The following B3GALT5 variants were observed in gnomAD, a reference collection of about 807,000 sequenced individuals.
The protein encoded by B3GALT5 is UDP-Gal:betaGlcNAc beta 1,3-galactosyltransferase, polypeptide 5.
For missense variants in B3GALT5, 328 were observed against 396.6 expected (o/e 0.83, Z 1.47); for synonymous variants, 156 against 158.6 (o/e 0.98, Z 0.12).
At chr21:39,613,132 G>A (rs1233142315) in intron 1 of B3GALT5, 65 bp downstream of exon 1, 1 of 149,250 alleles carries the variant, frequency 6.7e-6, no homozygotes, top group Non-Finnish European at 1.5e-5. Flanking sequence ...GCCGGGTCCT[G>A]CGGCGCGCGG....
chr21:39,632,492 G>A (rs2079198621), intron 1 of B3GALT5, among the ~76,000 whole-genome samples: 1 of 152,234 alleles, frequency 6.6e-6, no homozygotes, highest in Non-Finnish European at 1.5e-5. Context: ...GGCTGACAAG[G>A]AGACGCCACG....
chr21:39,660,806 G>T lies in B3GALT5; in HGVS notation c.247G>T (p.Glu83Ter). The T allele has an allele frequency of 6.3e-7, 1 of 1,589,894 alleles. No homozygotes were observed. Among genetic ancestry groups the T allele is most frequent in the Non-Finnish European group, 8.6e-7 (1 of 1,167,972 alleles). Residue 83 changes from glutamate (E) to a stop codon, truncating the protein, a stop_gained, in exon 4 of 4, where the codon GAG becomes TAG. Transcript: ENST00000684187. LOFTEE classifies it low-confidence loss of function (END_TRUNC). ...RMAIRQTWGK[E>*]RMVKGKQLKT... ...GGCCATCCGGCAGACGTGGGGGAAA[G>T]AGAGGATGGTGAAGGGAAAGCAGCT...
intron 1 of B3GALT5, among the ~76,000 whole-genome samples, chr21:39,627,043 T>G (rs750176963): frequency 3.9e-5 from 6 of 152,200 alleles, no homozygotes; most frequent in Non-Finnish European, 7.3e-5. Context: ...CTGTTGGTAC[T>G]GTGGAGGGGG....
At chr21:39,619,493 G>A (rs765212780) in intron 1 of B3GALT5, among the ~76,000 whole-genome samples, 9 of 152,044 alleles carry the variant, frequency 5.9e-5, no homozygotes, top group Admixed American at 2.0e-4. Context: ...TAAATCACAA[G>A]TATCTTATTG....
rs938878042 is a variant in B3GALT5 at position 39,672,233 on chromosome 21, G to C, written c.*10741G>C. On this transcript the variant is annotated 3_prime_UTR_variant, in exon 4 of 4. Transcript: ENST00000684187. ...CTGTTGGCTCAGGGGTCCAGTCCCT[G>C]GGTCCCCGAAGAGGTAAGCCAAAGA... The C allele has an allele frequency of 1.2e-4, 18 of 152,234 alleles. No individual in the cohort carries two copies. Among genetic ancestry groups the C allele is most frequent in the African/African-American group, 3.9e-4 (16 of 41,454 alleles). 9.4% of individuals were successfully genotyped at this position (152,234 alleles called of 1,614,324 possible).
At chr21:39,639,302 C>CTTTCTT (rs2079256455) in intron 1 of B3GALT5, among the ~76,000 whole-genome samples, 2 of 76,730 alleles carry the variant, frequency 2.6e-5, no homozygotes, top group African/African-American at 5.4e-5. Flanking sequence ...TTCTTTCTTT[C>CTTTCTT]TTTCTTTCTT....
At chr21:39,634,989 CTT>C (rs1259535536) in intron 1 of B3GALT5, among the ~76,000 whole-genome samples, 1 of 152,158 alleles carries the variant, frequency 6.6e-6, no homozygotes, top group Non-Finnish European at 1.5e-5. Context: ...AAATCACCCA[CTT>C]TTTACAAGAA....
intron 1 of B3GALT5, among the ~76,000 whole-genome samples, chr21:39,622,751 A>G (rs1382363006): frequency 2.0e-5 from 3 of 151,734 alleles, no homozygotes; most frequent in Admixed American, 6.6e-5. Context: ...TTATCTCATT[A>G]TGTGTTTTCT....
At chr21:39,625,785 T>A (rs2079160554) in intron 1 of B3GALT5, among the ~76,000 whole-genome samples, 1 of 152,204 alleles carries the variant, frequency 6.6e-6, no homozygotes, top group Non-Finnish European at 1.5e-5. Flanking sequence ...GAACTCCACG[T>A]TCCCTCTAGC....
chr21:39,640,943 TTG>T (rs2079284962), intron 1 of B3GALT5, among the ~76,000 whole-genome samples: 1 of 152,138 alleles, frequency 6.6e-6, no homozygotes, highest in South Asian at 2.1e-4. Flanking sequence ...TCTCACTATG[TTG>T]CCCAGGCTGG....
rs1294910999 is a variant in B3GALT5, at chr21:39,669,025, C to CA, written c.*7534dup. The CA allele has an allele frequency of 6.6e-6, 1 of 152,204 alleles. No homozygotes were observed. Among genetic ancestry groups the CA allele is most frequent in the Non-Finnish European group, 1.5e-5 (1 of 68,042 alleles). 9.4% of individuals were successfully genotyped at this position (152,204 alleles called of 1,614,324 possible). A position where few individuals can be genotyped will look rare whatever the true frequency, so the allele number is the denominator to read the frequency against. ...CAGCACTATCTATCAGTGTACCTGT[C>CA]AGTGTCTGGTGATCTCTGTGCAAAT... On this transcript the variant is annotated 3_prime_UTR_variant, in exon 4 of 4. Transcript: ENST00000684187.
At chr21:39,618,409 A>G (rs1269032072) in intron 1 of B3GALT5, among the ~76,000 whole-genome samples, 2 of 152,200 alleles carry the variant, frequency 1.3e-5, no homozygotes, top group African/African-American at 2.4e-5. Flanking sequence ...CCTACATACT[A>G]TACCTCTAAC....
At chr21:39,644,336 C>G (rs993191202) in intron 1 of B3GALT5, among the ~76,000 whole-genome samples, 14 of 152,108 alleles carry the variant, frequency 9.2e-5, no homozygotes, top group Admixed American at 9.2e-4. Context: ...GGGTAAAAAG[C>G]TTGGGACTCA....
chr21:39,637,575 C>T (rs1007518644), intron 1 of B3GALT5, among the ~76,000 whole-genome samples: 7 of 152,228 alleles, frequency 4.6e-5, no homozygotes, highest in African/African-American at 1.7e-4. Context: ...GTCCCAGTGT[C>T]CTTGATGGCT....
In B3GALT5 at chr21:39,659,778, T is replaced by A. The variant is rs906127138; in HGVS notation, c.-135T>A. 1.0e-6 allele frequency: 1 copy of A among 985,242 alleles called. No individual in the cohort carries two copies. The highest frequency in any genetic ancestry group is 1.2e-6 in the Non-Finnish European group (1 of 829,922). 61.0% of individuals were successfully genotyped at this position (985,242 alleles called of 1,614,324 possible). ...TGATTCCTGTCAGAATCACCATTTT[T>A]GGTAAACAAACCAAGCCCAGAACCT... On this transcript the variant is annotated 5_prime_UTR_variant, in exon 3 of 4. Coordinates refer to ENST00000684187, the MANE Select transcript of B3GALT5 (RefSeq NM_001356336.2).
In B3GALT5 at chr21:39,665,954, A is replaced by G. The variant is rs1441523751; in HGVS notation, c.*4462A>G. On this transcript the variant is annotated 3_prime_UTR_variant, in exon 4 of 4. Transcript: ENST00000684187. ...CACCTTGGATTCTTAGCATGGTCCC[A>G]GCACATAGTAGATGCTCAATAAACA... 1.3e-5 allele frequency: 2 copies of G among 152,218 alleles called. No individual in the cohort carries two copies. Among genetic ancestry groups the G allele is most frequent in the Non-Finnish European group, 2.9e-5 (2 of 68,048 alleles). The allele number at this position is 152,218 out of a possible 1,614,324, so 9.4% of individuals were successfully genotyped here.
At chr21:39,655,427 G>T (rs1332888687) in intron 2 of B3GALT5, among the ~76,000 whole-genome samples, 3 of 152,194 alleles carry the variant, frequency 2.0e-5, no homozygotes, top group Admixed American at 2.0e-4. Context: ...AGTGGGCAGG[G>T]AGCTGGGTGC....
intron 1 of B3GALT5, among the ~76,000 whole-genome samples, chr21:39,639,018 A>G (rs921932928): frequency 6.6e-6 from 1 of 152,178 alleles, no homozygotes; most frequent in Non-Finnish European, 1.5e-5. Context: ...GTAGATGACA[A>G]AACTGCTAAT....
intron 2 of B3GALT5, among the ~76,000 whole-genome samples, chr21:39,652,115 A>G (rs1207224169): frequency 6.6e-6 from 1 of 152,134 alleles, no homozygotes; most frequent in Non-Finnish European, 1.5e-5. Context: ...AGAGAAGGTC[A>G]TTGTCCTTGT....
Sources: allele counts gnomAD v4.1 joint callset (sites outside exome capture counted in the v4.1 genomes callset), GRCh38; gene constraint gnomAD v4.1.1; transcripts MANE v1.5; gene names NCBI Gene and HGNC (gene_info 2026-07-23, HGNC 2026-07-21).